The following GAK variants were observed in gnomAD, a reference collection of about 807,000 sequenced individuals.
The protein encoded by GAK is cyclin-G-associated kinase.
Under a neutral mutation model 143.9 loss-of-function variants are expected in GAK, and 79 were observed. The ratio of observed to expected loss-of-function variants is 0.55; its 90% confidence interval spans 0.46 to 0.66. The LOEUF is 0.66. GAK is among the 30% of genes least tolerant of loss of function. The probability of loss-of-function intolerance (pLI) is 0.00; values close to 1 mark genes in which losing one functional copy is unlikely to be tolerated. For synonymous variants in GAK, 881 were observed against 765.5 expected (o/e 1.15, Z -2.49); for missense variants, 1,693 against 1,779.7 (o/e 0.95, Z 0.88).
chr4:867,967 T>G (rs1419527482), intron 20 of GAK, among the ~76,000 whole-genome samples: 1 of 152,138 alleles, frequency 6.6e-6, no homozygotes, highest in Non-Finnish European at 1.5e-5. Context: ...ATGGCAGCAC[T>G]AGGGGGTAGG....
chr4:859,378 G>A, intron 24 of GAK: 1 of 1,481,970 alleles, frequency 6.7e-7, no homozygotes, highest in Non-Finnish European at 9.0e-7. Context: ...GCCGGTGGGG[G>A]CTGGCAGCAG....
chr4:896,180 C>T (rs1718731456), intron 7 of GAK, among the ~76,000 whole-genome samples: 2 of 152,178 alleles, frequency 1.3e-5, no homozygotes, highest in Admixed American at 6.5e-5. Flanking sequence ...GGGAGGATCC[C>T]TTGAGCCCAG....
At chr4:875,605 G>T (rs541029870) in intron 18 of GAK, among the ~76,000 whole-genome samples, 7 of 152,376 alleles carry the variant, frequency 4.6e-5, no homozygotes, top group Admixed American at 4.6e-4. Context: ...GGGAGCCCCC[G>T]TGGGTGCCCC....
intron 1 of GAK, chr4:913,914 CA>C (rs1722490088): frequency 7.8e-6 from 2 of 255,862 alleles, no homozygotes; most frequent in Non-Finnish European, 1.4e-5. Flanking sequence ...CACGGCCCCA[CA>C]CACACACACA....
At chr4:906,257 G>C (rs148848179) in intron 4 of GAK, among the ~76,000 whole-genome samples, 2 of 152,344 alleles carry the variant, frequency 1.3e-5, no homozygotes, top group East Asian at 1.9e-4. Flanking sequence ...TGGATACAAA[G>C]AGAAATGACT....
chr4:887,606 C>G (rs1349415618), intron 11 of GAK: 3 of 151,774 alleles, frequency 2.0e-5, no homozygotes. Flanking sequence ...GCGGCTCATA[C>G]AGGCACTCGC....
intron 15 of GAK, among the ~76,000 whole-genome samples, chr4:879,330 A>G (rs1426063839): frequency 1.3e-5 from 2 of 152,220 alleles, no homozygotes; most frequent in African/African-American, 2.4e-5. Flanking sequence ...ACTCATGTTC[A>G]GCCTGAACAC....
At position 870,904 on chromosome 4, in the gene GAK, C is replaced by A. The variant is rs776756283; in HGVS notation, c.2055G>T (p.Lys685Asn). 1 of 1,608,568 alleles carries A rather than the reference C, an allele frequency of 6.2e-7. No homozygotes were observed. Residue 685 changes from lysine (K) to asparagine (N), a missense_variant and splice_region_variant, in exon 19 of 28, where the codon AAG becomes AAT. Around this residue, in one of 2 missense-constraint regions of GAK, gnomAD observed 871 missense variants for 991.0 expected, o/e 0.88. Coordinates refer to ENST00000314167, the MANE Select transcript of GAK (RefSeq NM_005255.4). ...PRNATTVKFA[K>N]YDLDACDIQE... ...GAATGTCACACGCGTCCAGGTCATA[C>A]CTGCGGTTACAAGTAGACACCACTT...
At chr4:876,989 C>T (rs1171697870) in intron 17 of GAK, 101 bp downstream of exon 17, 9 of 782,952 alleles carry the variant, frequency 1.1e-5, no homozygotes, top group South Asian at 1.1e-4. Flanking sequence ...AAACAGCGAG[C>T]ACCCTGGACC....
At chr4:913,867 G>T in intron 1 of GAK, 199 bp from the exon 2 acceptor site, 1 of 451,062 alleles carries the variant, frequency 2.2e-6, no homozygotes, top group Non-Finnish European at 3.9e-6. Flanking sequence ...CAGCCCCAGC[G>T]TGCACGGCCC....
rs111406317 is a variant in GAK, at chr4:862,010, G to A, written c.3167-2288C>T. On this transcript the variant is annotated intron_variant, in intron 23 of 27. Coordinates refer to ENST00000314167, the MANE Select transcript of GAK (RefSeq NM_005255.4). ...ACAAGTGCAAGGTGAAGCAGCAAGCGCTGACGGGGAAGCTGCAGTAAGTCA... is the reference window on the plus strand; with the variant it reads ...ACAAGTGCAAGGTGAAGCAGCAAGCACTGACGGGGAAGCTGCAGTAAGTCA... 1.4e-3 allele frequency among the ~76,000 whole-genome samples: 218 copies of A among 152,366 alleles called. 3 individuals are homozygous for A. The highest frequency in any genetic ancestry group is 4.9e-3 in the African/African-American group (202 of 41,592).
At chr4:920,126 G>A (rs1723676106) in intron 1 of GAK, among the ~76,000 whole-genome samples, 1 of 152,108 alleles carries the variant, frequency 6.6e-6, no homozygotes, top group African/African-American at 2.4e-5. Context: ...GGCTAACGCA[G>A]TGAGACCCCG....
intron 18 of GAK, among the ~76,000 whole-genome samples, chr4:873,109 G>C (rs1713064506): frequency 6.6e-6 from 1 of 152,188 alleles, no homozygotes; most frequent in Non-Finnish European, 1.5e-5. Flanking sequence ...GCCTCCCAAA[G>C]TGTTGGAATT....
chr4:901,566 G>C (rs965012554), intron 5 of GAK, among the ~76,000 whole-genome samples: 2 of 152,248 alleles, frequency 1.3e-5, no homozygotes, highest in African/African-American at 4.8e-5. Flanking sequence ...CAAGGATACA[G>C]CTCCCACCTC....
intron 15 of GAK, among the ~76,000 whole-genome samples, chr4:881,271 G>T (rs1314639704): frequency 2.6e-5 from 4 of 152,228 alleles, no homozygotes; most frequent in African/African-American, 9.6e-5. Flanking sequence ...TCCAGGTCAA[G>T]ACCTGCTCTT....
At position 930,764 on chromosome 4, in the gene GAK, C is replaced by T. The variant is rs143972283; in HGVS notation, c.145+1279G>A. ...CCCACTTCTGAAAGAAGAGCTTAGA[C>T]TTTCTGACCAAATCATACCCAAAAT... On this transcript the variant is annotated intron_variant, in intron 1 of 27. Coordinates refer to ENST00000314167, the MANE Select transcript of GAK (RefSeq NM_005255.4). Among the ~76,000 whole-genome samples the T allele has an allele frequency of 6.2e-3, 948 of 152,290 alleles. 13 individuals carry two copies. Among genetic ancestry groups the T allele is most frequent in the Non-Finnish European group, 7.7e-3 (525 of 68,020 alleles).
intron 23 of GAK, among the ~76,000 whole-genome samples, chr4:861,971 C>T (rs537434977): frequency 2.0e-5 from 3 of 152,360 alleles, no homozygotes; most frequent in East Asian, 1.9e-4. Flanking sequence ...GGAAAGATGC[C>T]GTCTCTGCAA....
intron 8 of GAK, 106 bp downstream of exon 8, chr4:893,768 G>T: frequency 2.3e-6 from 3 of 1,316,836 alleles, no homozygotes; most frequent in Non-Finnish European, 3.1e-6. Context: ...TGACGGGCGG[G>T]AGTGGGGCCA....
At chr4:893,286 G>C (rs900390231) in intron 9 of GAK, 91 bp downstream of exon 9, 6 of 905,738 alleles carry the variant, frequency 6.6e-6, no homozygotes, top group African/African-American at 5.3e-5. Flanking sequence ...GGGCTCACAT[G>C]TGCCTCCCTC....
Sources: allele counts gnomAD v4.1 joint callset (sites outside exome capture counted in the v4.1 genomes callset), GRCh38; gene constraint gnomAD v4.1.1; regional missense constraint gnomAD v4.1.1; transcripts MANE v1.5; gene names NCBI Gene and HGNC (gene_info 2026-07-23, HGNC 2026-07-21).